Variants in RARB observed in about 807,000 individuals in gnomAD.
The protein encoded by RARB is HBV-activated protein.
In RARB, 17 loss-of-function variants were observed where a neutral mutation model predicts 51.9. That is an observed-to-expected ratio of 0.33 (90% confidence interval 0.22 to 0.49). The LOEUF is 0.49. RARB is among the 20% of genes least tolerant of loss of function. RARB has a pLI of 0.99. For missense variants in RARB, 369 were observed against 550.8 expected, an observed-to-expected ratio of 0.67 and a Z score of 3.30; for synonymous variants, 215 against 195.4, an observed-to-expected ratio of 1.10 and a Z score of -0.84.
At chr3:25,567,716 C>T (rs1700555670) in intron 3 of RARB, among the ~76,000 whole-genome samples, 1 of 152,192 alleles carries the variant, frequency 6.6e-6, no homozygotes, top group South Asian at 2.1e-4. Context: ...TTGAGAAAAA[C>T]TGCCGAGTAC....
intron 5 of RARB, among the ~76,000 whole-genome samples, chr3:25,346,941 G>A (rs1437523376): frequency 6.6e-6 from 1 of 152,194 alleles, no homozygotes; most frequent in Non-Finnish European, 1.5e-5. Context: ...GTTAGTAAGA[G>A]GATTGTTCAT....
chr3:24,943,253 T>C (rs1016074196), intron 2 of RARB, among the ~76,000 whole-genome samples: 1 of 152,244 alleles, frequency 6.6e-6, no homozygotes, highest in Non-Finnish European at 1.5e-5. Flanking sequence ...TTCTATTTCC[T>C]TTTATTGCAC....
intron 5 of RARB, among the ~76,000 whole-genome samples, chr3:25,226,849 G>C (rs1702066800): frequency 6.6e-6 from 1 of 152,176 alleles, no homozygotes; most frequent in Non-Finnish European, 1.5e-5. Context: ...ACTACCCACA[G>C]TTACCCATAA....
At chr3:25,337,238 A>G (rs1705090737) in intron 5 of RARB, among the ~76,000 whole-genome samples, 1 of 152,212 alleles carries the variant, frequency 6.6e-6, no homozygotes, top group African/African-American at 2.4e-5. Flanking sequence ...AAGTTAGAAT[A>G]CATTCACTAC....
At chr3:25,028,888 A>G (rs923662603) in intron 2 of RARB, among the ~76,000 whole-genome samples, 14 of 152,230 alleles carry the variant, frequency 9.2e-5, no homozygotes, top group Middle Eastern at 3.4e-3. Context: ...GAATTTACCA[A>G]ATGTGCCTGA....
chr3:24,970,520 G>T (rs779789202), intron 2 of RARB, among the ~76,000 whole-genome samples: 20 of 151,032 alleles, frequency 1.3e-4, no homozygotes, highest in Non-Finnish European at 1.8e-4. Context: ...TCAAAGACCG[G>T]AAAATGTATC....
intron 5 of RARB, among the ~76,000 whole-genome samples, chr3:25,225,229 G>C (rs1268784626): frequency 3.3e-5 from 5 of 152,014 alleles, no homozygotes; most frequent in Admixed American, 3.3e-4. Flanking sequence ...TAGTACAAAG[G>C]GACAAACAAA....
upstream of RARB, among the ~76,000 whole-genome samples, chr3:25,423,339 A>G (rs1406748849): frequency 6.6e-6 from 1 of 152,262 alleles, no homozygotes; most frequent in Non-Finnish European, 1.5e-5. Context: ...GCCATTGGTT[A>G]AATGAAATGC....
Position 24,915,179 on chromosome 3 carries a change from T to A in RARB, c.-380+56427T>A, listed in dbSNP as rs1294244769. 7.9e-5 allele frequency among the ~76,000 whole-genome samples: 12 copies of A among 152,206 alleles called. No individual in the cohort carries two copies. The East Asian group carries it at 2.3e-3, about 29-fold the overall frequency. ...GAAGAAAACAAAAACAAACTTTTTTTTGAAAGAGAGGCTTTCTTTTAAAAT... is the reference window on the plus strand; with the variant it reads ...GAAGAAAACAAAAACAAACTTTTTTATGAAAGAGAGGCTTTCTTTTAAAAT... On this transcript the variant is annotated intron_variant, in intron 2 of 11. Coordinates refer to the RARB transcript ENST00000383772.
intron 3 of RARB, among the ~76,000 whole-genome samples, chr3:25,079,306 A>G (rs1047738536): frequency 1.3e-5 from 2 of 152,170 alleles, no homozygotes; most frequent in African/African-American, 2.4e-5. Flanking sequence ...TCATAGTTGT[A>G]TTGTCTTTGA....
At chr3:25,392,042 T>G (rs951952272) in intron 5 of RARB, among the ~76,000 whole-genome samples, 1 of 152,236 alleles carries the variant, frequency 6.6e-6, no homozygotes, top group Non-Finnish European at 1.5e-5. Context: ...TTTAAGTCCT[T>G]AATCCATCTT....
At chr3:25,157,397 T>G (rs1034231346) in intron 4 of RARB, among the ~76,000 whole-genome samples, 1 of 151,596 alleles carries the variant, frequency 6.6e-6, no homozygotes, top group Non-Finnish European at 1.5e-5. Context: ...TATGGTTTTT[T>G]TTGTTGTTGT....
intron 3 of RARB, among the ~76,000 whole-genome samples, chr3:25,096,547 A>G (rs926562115): frequency 1.3e-5 from 2 of 152,174 alleles, no homozygotes; most frequent in Non-Finnish European, 2.9e-5. Context: ...TTTGTGTCCA[A>G]TAACTGACTT....
At position 25,363,193 on chromosome 3, in the gene RARB, G is replaced by T. The variant is rs1224818038; in HGVS notation, c.179-98000G>T. On this transcript the variant is annotated intron_variant, in intron 5 of 11. Coordinates refer to the RARB transcript ENST00000383772. ...AGAAAACTATAGTACAAAGAAAAAT[G>T]TAAAAATTTTCACTAGGGAGGTATA... 3.3e-5 allele frequency among the ~76,000 whole-genome samples: 5 copies of T among 152,088 alleles called. 1 individual carries two copies. The highest frequency in any genetic ancestry group is 3.3e-4 in the Admixed American group (5 of 15,274).
intron 5 of RARB, among the ~76,000 whole-genome samples, chr3:25,307,849 G>C (rs756438459): frequency 2.6e-5 from 4 of 152,102 alleles, no homozygotes; most frequent in Non-Finnish European, 5.9e-5. Context: ...CCCCAAACCT[G>C]CTTTTCTAAA....
intron 3 of RARB, among the ~76,000 whole-genome samples, chr3:25,061,535 G>T (rs770322235): frequency 6.6e-6 from 1 of 151,540 alleles, no homozygotes; most frequent in Non-Finnish European, 1.5e-5. Context: ...TCTCTGCTTG[G>T]TGTAGTTACA....
At chr3:25,370,922 G>A (rs1344622549) in intron 5 of RARB, among the ~76,000 whole-genome samples, 2 of 152,114 alleles carry the variant, frequency 1.3e-5, no homozygotes, top group Non-Finnish European at 2.9e-5. Flanking sequence ...GACTGCCGGG[G>A]CACCTTAGCC....
intron 2 of RARB, among the ~76,000 whole-genome samples, chr3:24,885,388 G>C (rs1215311630): frequency 6.6e-6 from 1 of 152,166 alleles, no homozygotes; most frequent in African/African-American, 2.4e-5. Context: ...GGGGATTTGA[G>C]CATCAGAATT....
rs13324091 is a variant in RARB at position 25,509,631 on chromosome 3, C to G, written c.448+8308C>G. ...AGGTGGCTCATTTGCCCAGAGATGC[C>G]GAGACATGTGTAATCAGAGAATGGG... On this transcript the variant is annotated intron_variant, in intron 3 of 7. Transcript: ENST00000330688. Among the ~76,000 whole-genome samples, 11 of 152,238 alleles carry G rather than the reference C, an allele frequency of 7.2e-5. No homozygotes were observed. In the South Asian group the frequency reaches 1.9e-3, roughly 26 times the overall value.
Sources: allele counts gnomAD v4.1 joint callset (sites outside exome capture counted in the v4.1 genomes callset), GRCh38; gene constraint gnomAD v4.1.1; transcripts MANE v1.5; gene names NCBI Gene and HGNC (gene_info 2026-07-23, HGNC 2026-07-21).